RFWD3: variants seen among roughly 807,000 people sequenced by gnomAD.
RFWD3 encodes E3 ubiquitin-protein ligase RFWD3.
RFWD3 carries 65 observed loss-of-function variants against 87.7 expected under a neutral mutation model. The observed-to-expected ratio is 0.74, with a 90% CI of 0.61 to 0.91. The LOEUF is 0.91. RFWD3 is among the 40% of genes least tolerant of loss of function. The pLI is 0.00. For missense variants in RFWD3, 1,078 were observed against 938.5 expected (o/e 1.15, Z -1.94); for synonymous variants, 433 against 352.8 (o/e 1.23, Z -2.55).
chr16:74,652,037 T>G lies in RFWD3; in HGVS notation c.604A>C (p.Asn202His), dbSNP rs773131455. ...PATTYDSETRNPVSEELQVSS... is the reference protein window; with the variant it reads ...PATTYDSETRHPVSEELQVSS... ...ACCTGCAACTCTTCAGATACAGGAT[T>G]CCTAGTCTCTGAATCATAAGTGGTA... The change falls in exon 3 of 13, where the codon AAT (asparagine) becomes CAT (histidine). Residue 202 changes from asparagine to histidine, a missense_variant. Asn to His is a moderately conservative substitution (Grantham distance 68, BLOSUM62 1). Coordinates refer to ENST00000361070, the MANE Select transcript of RFWD3 (RefSeq NM_018124.4). 2.5e-6 allele frequency: 4 copies of G among 1,614,046 alleles called. No homozygotes were observed. In the Admixed American group the frequency reaches 6.7e-5, roughly 27 times the overall value.
intron 2 of RFWD3, among the ~76,000 whole-genome samples, chr16:74,657,520 G>C (rs1043519876): frequency 3.5e-5 from 5 of 142,362 alleles, no homozygotes; most frequent in Middle Eastern, 7.9e-3. Flanking sequence ...CTGCGGCCCA[G>C]GCTGGAGTGT....
intron 2 of RFWD3, among the ~76,000 whole-genome samples, chr16:74,657,220 T>C (rs1961052316): frequency 6.6e-6 from 1 of 152,144 alleles, no homozygotes; most frequent in African/African-American, 2.4e-5. Context: ...TTACTATGAT[T>C]ACAGGCAGAT....
intron 9 of RFWD3, among the ~76,000 whole-genome samples, chr16:74,631,800 C>T (rs1405962478): frequency 6.6e-6 from 1 of 151,980 alleles, no homozygotes; most frequent in Non-Finnish European, 1.5e-5. Flanking sequence ...ATTCCACAAA[C>T]TTTAAAGACG....
In RFWD3 at chr16:74,632,569, C is replaced by T; in HGVS notation, c.1531G>A (p.Gly511Ser). Residue 511 changes from glycine to serine, a missense_variant, in exon 9 of 13, where the codon GGC becomes AGC. Gly to Ser is a moderately conservative substitution (Grantham distance 56, BLOSUM62 0). Coordinates refer to ENST00000361070, the MANE Select transcript of RFWD3 (RefSeq NM_018124.4). ...TCTAGGGAAGCAGAGAGTAGCAAGC[C>T]TCTGAGGTAACTGCTAAACGCCAGT... ...RGLAFSSYLR[G>S]LLLSASLDNT... The T allele has an allele frequency of 6.2e-7, 1 of 1,614,100 alleles. No individual in the cohort carries two copies. The highest frequency in any genetic ancestry group is 8.5e-7 in the Non-Finnish European group (1 of 1,179,974).
chr16:74,660,971 C>T lies in RFWD3; in HGVS notation c.479G>A (p.Arg160Lys), dbSNP rs1961383285. 1.2e-6 allele frequency: 2 copies of T among 1,614,098 alleles called. No homozygotes were observed. The highest frequency in any genetic ancestry group is 2.2e-5 in the South Asian group (2 of 91,082). The change falls in exon 2 of 13, where the codon AGG (arginine) becomes AAG (lysine). Residue 160 changes from arginine to lysine, a missense_variant. Transcript: ENST00000361070. ...CCTCTGAGACCCTCCGGCTCTTGCC[C>T]TCCGTGAAGCAGATACCCTCCTTCT... ...RTRRRVSASR[R>K]ARAGGSQRTD...
Position 74,630,876 on chromosome 16 carries a change from G to C in RFWD3, c.1659C>G (p.Asn553Lys). ...CATTGGCCAGTCCAGCATAGATGTA[G>C]TTAGCCTCATCAAGACACCAGCAAC... ...WSCCWCLDEANYIYAGLANGS... is the reference protein window; with the variant it reads ...WSCCWCLDEAKYIYAGLANGS... The change falls in exon 10 of 13, where the codon AAC becomes AAG. Residue 553 changes from asparagine (N) to lysine (K), a missense_variant. Coordinates refer to ENST00000361070, the MANE Select transcript of RFWD3 (RefSeq NM_018124.4). 2.5e-6 allele frequency: 4 copies of C among 1,614,076 alleles called. No individual in the cohort carries two copies. Among genetic ancestry groups the C allele is most frequent in the Non-Finnish European group, 3.4e-6 (4 of 1,179,954 alleles).
At chr16:74,643,785 C>T (rs570774393) in intron 6 of RFWD3, among the ~76,000 whole-genome samples, 1 of 149,756 alleles carries the variant, frequency 6.7e-6, no homozygotes, top group African/African-American at 2.5e-5. Flanking sequence ...ACGCCATTCT[C>T]CTGTCTCAGC....
chr16:74,653,821 G>A (rs1164657473), intron 2 of RFWD3, among the ~76,000 whole-genome samples: 1 of 152,146 alleles, frequency 6.6e-6, no homozygotes. Context: ...ATTTATTGAT[G>A]AATTAGGGCT....
chr16:74,665,692 C>T (rs1181462034), intron 1 of RFWD3, among the ~76,000 whole-genome samples: 2 of 151,998 alleles, frequency 1.3e-5, no homozygotes, highest in Admixed American at 6.5e-5. Flanking sequence ...CCCGGGAGTT[C>T]GAGACTGCAG....
intron 11 of RFWD3, 74 bp from the exon 12 acceptor site, chr16:74,626,628 A>G: frequency 1.7e-6 from 2 of 1,167,832 alleles, no homozygotes; most frequent in Non-Finnish European, 1.3e-6. Context: ...CAAACCTCAC[A>G]CGCTTACAAC....
chr16:74,645,741 T>TTTTC, intron 4 of RFWD3, among the ~76,000 whole-genome samples: 3 of 139,574 alleles, frequency 2.1e-5, no homozygotes, highest in African/African-American at 8.1e-5. Flanking sequence ...GTCACAAATA[T>TTTTC]TTTCTTTTTT....
intron 8 of RFWD3, among the ~76,000 whole-genome samples, chr16:74,635,097 G>A (rs1007755133): frequency 1.3e-5 from 2 of 151,976 alleles, no homozygotes; most frequent in Non-Finnish European, 2.9e-5. Flanking sequence ...TGGCTAACAC[G>A]GTGAAACTCC....
At chr16:74,626,167 C>T (rs1362331184) in intron 12 of RFWD3, among the ~76,000 whole-genome samples, 176 bp downstream of exon 12, 1 of 152,098 alleles carries the variant, frequency 6.6e-6, no homozygotes, top group Non-Finnish European at 1.5e-5. Context: ...ACGGAAAGCA[C>T]GACTCATGGA....
intron 8 of RFWD3, among the ~76,000 whole-genome samples, chr16:74,635,687 T>C (rs1959190508): frequency 6.6e-6 from 1 of 152,172 alleles, no homozygotes; most frequent in African/African-American, 2.4e-5. Flanking sequence ...ATTAAAAACT[T>C]AGATGGGATA....
At chr16:74,626,727 T>A (rs1218525451) in intron 11 of RFWD3, among the ~76,000 whole-genome samples, 173 bp from the exon 12 acceptor site, 3 of 152,228 alleles carry the variant, frequency 2.0e-5, no homozygotes, top group Middle Eastern at 3.4e-3. Context: ...ATCAATGAAA[T>A]TTAGAACCGT....
At chr16:74,649,982 A>G (rs935976648) in intron 3 of RFWD3, among the ~76,000 whole-genome samples, 2 of 152,358 alleles carry the variant, frequency 1.3e-5, no homozygotes, top group African/African-American at 4.8e-5. Context: ...TATTTCTATC[A>G]GCCCACAAAG....
chr16:74,648,527 C>T (rs548191767), intron 4 of RFWD3, among the ~76,000 whole-genome samples: 14 of 149,602 alleles, frequency 9.4e-5, no homozygotes, highest in Non-Finnish European at 1.8e-4. Flanking sequence ...AATCCCAGCA[C>T]TTTGGGAGGC....
intron 1 of RFWD3, chr16:74,666,468 A>C (rs1961931889): frequency 6.6e-6 from 1 of 152,154 alleles, no homozygotes; most frequent in African/African-American, 2.4e-5. Flanking sequence ...CTCTCGGGGG[A>C]AGGGCCGGGC....
rs546981819 is a variant in RFWD3, at chr16:74,640,665, C to T, written c.1080-2695G>A. On this transcript the variant is annotated intron_variant, in intron 6 of 12. Coordinates refer to ENST00000361070, the MANE Select transcript of RFWD3 (RefSeq NM_018124.4). Reference sequence around the variant, plus strand: ...CTTTAAAAAAAATTTTTTGGCCAGGCGCAGTGGCTCATGCCTGTAATCCCA... The same window carrying T: ...CTTTAAAAAAAATTTTTTGGCCAGGTGCAGTGGCTCATGCCTGTAATCCCA... 2.6e-3 allele frequency among the ~76,000 whole-genome samples: 392 copies of T among 151,544 alleles called. 5 individuals are homozygous for T. Among genetic ancestry groups the T allele is most frequent in the African/African-American group, 8.9e-3 (369 of 41,364 alleles).
Sources: gnomAD v4.1 joint callset for allele counts (sites outside exome capture counted in the v4.1 genomes callset) on GRCh38, gnomAD v4.1.1 for gene constraint, MANE v1.5 for transcripts, NCBI Gene and HGNC (gene_info 2026-07-23, HGNC 2026-07-21) for gene names.